Variants in WDR41 observed in about 807,000 individuals in gnomAD.
The protein encoded by WDR41 is WD repeat-containing protein 41.
WDR41 carries 63 observed loss-of-function variants against 69.3 expected under a neutral mutation model. The ratio of observed to expected loss-of-function variants is 0.91; its 90% CI spans 0.74 to 1.12. The LOEUF (loss-of-function observed/expected upper bound fraction) is 1.12. Ranked by LOEUF, WDR41 falls within the 50% of genes most tolerant of loss-of-function variation. WDR41 has a pLI of 0.00. For missense variants in WDR41, 543 were observed against 534.5 expected (o/e 1.02, Z -0.16); for synonymous variants, 185 against 192.1 (o/e 0.96, Z 0.31).
At chr5:77,538,804 T>A (rs1743035875) in intron 1 of WDR41, among the ~76,000 whole-genome samples, 1 of 152,240 alleles carries the variant, frequency 6.6e-6, no homozygotes, top group Non-Finnish European at 1.5e-5. Flanking sequence ...GAAATCAGGA[T>A]AATTATATTG....
chr5:77,619,741 T>C (rs1337539112), intron 1 of WDR41, among the ~76,000 whole-genome samples: 1 of 150,758 alleles, frequency 6.6e-6, no homozygotes, highest in Non-Finnish European at 1.5e-5. Context: ...AAAAGGGGTG[T>C]TTTTTGTTTT....
At chr5:77,466,566 C>T (rs1800317261) in intron 2 of WDR41, among the ~76,000 whole-genome samples, 1 of 151,800 alleles carries the variant, frequency 6.6e-6, no homozygotes, top group South Asian at 2.1e-4. Flanking sequence ...ATTGTTTTAT[C>T]ATGTTTGACT....
chr5:77,507,075 T>G (rs1030603594), intron 1 of WDR41, among the ~76,000 whole-genome samples: 3 of 152,206 alleles, frequency 2.0e-5, no homozygotes, highest in Admixed American at 6.5e-5. Context: ...AGGATAACAT[T>G]GAGTAAATTC....
chr5:77,600,002 T>C (rs1429170828), intron 1 of WDR41, among the ~76,000 whole-genome samples: 1 of 152,188 alleles, frequency 6.6e-6, no homozygotes, highest in Non-Finnish European at 1.5e-5. Context: ...TCTGTAACAT[T>C]CTCTTGCGGA....
Position 77,491,375 on chromosome 5 carries a change from C to T in WDR41, c.51+795G>A, listed in dbSNP as rs189743762. 842 of 160,104 alleles carry T rather than the reference C, an allele frequency of 5.3e-3. 4 individuals are homozygous for T. The highest frequency in any genetic ancestry group is 9.6e-3 in the Admixed American group (151 of 15,758). The allele number at this position is 160,104 out of a possible 1,614,324, so 9.9% of individuals were successfully genotyped here. On this transcript the variant is annotated intron_variant, in intron 1 of 12. Coordinates refer to ENST00000296679, the MANE Select transcript of WDR41 (RefSeq NM_018268.4). ...GACTCTCTTTTCGGACTCAGCCCGC[C>T]TGCACCCAGGTGATTAAAAGCTTTT... is the stretch of plus-strand genomic sequence containing the variant.
chr5:77,444,154 A>G lies in WDR41; in HGVS notation c.698-3157T>C, dbSNP rs141941966. On this transcript the variant is annotated intron_variant, in intron 8 of 12. Coordinates refer to ENST00000296679, the MANE Select transcript of WDR41 (RefSeq NM_018268.4). The stretch of plus-strand genomic sequence containing the variant: ...CTCAAGCTCCCAAAGTGCTGGGATT[A>G]CAGGCGTGAGTCACTGCACCTGGCC... Among the ~76,000 whole-genome samples, 1,211 of 149,260 alleles carry G rather than the reference A, an allele frequency of 8.1e-3. 24 individuals are homozygous for G. The highest frequency in any genetic ancestry group is 0.028 in the African/African-American group (1,163 of 41,460).
intron 1 of WDR41, among the ~76,000 whole-genome samples, chr5:77,570,631 C>T (rs926094158): frequency 6.6e-6 from 1 of 150,968 alleles, no homozygotes; most frequent in Non-Finnish European, 1.5e-5. Context: ...TTCTTAAAAT[C>T]CAAGGATTTA....
intron 3 of WDR41, among the ~76,000 whole-genome samples, chr5:77,463,914 C>G (rs467380): frequency 0.57 from 86,450 of 151,800 alleles, 26,538 homozygotes; most frequent in African/African-American, 0.8. Flanking sequence ...AAATAAAGAT[C>G]TGACACAGTC....
chr5:77,560,269 C>T (rs374581533), intron 1 of WDR41, among the ~76,000 whole-genome samples: 8 of 152,126 alleles, frequency 5.3e-5, no homozygotes, highest in Non-Finnish European at 8.8e-5. Flanking sequence ...CAGATGTTAA[C>T]AAAATCTGAT....
intron 1 of WDR41, among the ~76,000 whole-genome samples, chr5:77,588,300 T>C (rs1420451536): frequency 2.0e-5 from 3 of 152,224 alleles, no homozygotes; most frequent in Admixed American, 1.3e-4. Context: ...CAATATCTCA[T>C]TCTTCTCTTT....
intron 1 of WDR41, among the ~76,000 whole-genome samples, chr5:77,552,255 T>C (rs1280029187): frequency 4.0e-5 from 6 of 151,896 alleles, no homozygotes; most frequent in African/African-American, 7.2e-5. Context: ...ACAGTGAACA[T>C]GCGGAAGCTG....
At chr5:77,448,892 C>CAAACACAA (rs747340389) in intron 8 of WDR41, among the ~76,000 whole-genome samples, 48 of 134,582 alleles carry the variant, frequency 3.6e-4, no homozygotes, top group Non-Finnish European at 6.5e-4. Flanking sequence ...AACAAACAAA[C>CAAACACAA]ACAAACAAAA....
chr5:77,564,053 A>T (rs1320323844), intron 1 of WDR41, among the ~76,000 whole-genome samples: 1 of 152,178 alleles, frequency 6.6e-6, no homozygotes. Context: ...AAATATGCAT[A>T]ATACCTACCT....
intron 2 of WDR41, among the ~76,000 whole-genome samples, chr5:77,470,540 T>G (rs891103310): frequency 4.0e-5 from 6 of 151,740 alleles, no homozygotes; most frequent in Non-Finnish European, 8.8e-5. Flanking sequence ...ACCCATCTCA[T>G]GCACGGAGAC....
At chr5:77,603,234 C>T (rs921710266) in intron 1 of WDR41, among the ~76,000 whole-genome samples, 2 of 152,124 alleles carry the variant, frequency 1.3e-5, no homozygotes, top group Non-Finnish European at 2.9e-5. Flanking sequence ...CTGCGCCCAG[C>T]CCTTGTCTTT....
At chr5:77,436,441 T>A in intron 11 of WDR41, 47 bp from the exon 12 acceptor site, 1 of 1,595,744 alleles carries the variant, frequency 6.3e-7, no homozygotes, top group Non-Finnish European at 8.5e-7. Context: ...GTACTTACAA[T>A]AACATGAGAT....
At chr5:77,435,483 C>CA (rs1413549588) in intron 12 of WDR41, among the ~76,000 whole-genome samples, 1 of 152,226 alleles carries the variant, frequency 6.6e-6, no homozygotes, top group Non-Finnish European at 1.5e-5. Context: ...GTGTTTAGCA[C>CA]AGTGCCTGAA....
chr5:77,500,828 T>C (rs923959647), intron 1 of WDR41, among the ~76,000 whole-genome samples: 23 of 152,250 alleles, frequency 1.5e-4, no homozygotes, highest in Middle Eastern at 3.4e-3. Flanking sequence ...GACATTACAT[T>C]AAAAACCAAA....
In WDR41 at chr5:77,532,381, C is replaced by G. The variant is rs373749290; in HGVS notation, c.43-42809G>C. On this transcript the variant is annotated intron_variant, in intron 1 of 5. Transcript: ENST00000509971. ...GAAATTAATACAACCACTTTGGAAACCTGTTAGTCATTATTCACTGAAGTT... is the reference window on the plus strand; with the variant it reads ...GAAATTAATACAACCACTTTGGAAAGCTGTTAGTCATTATTCACTGAAGTT... 1.6e-4 allele frequency among the ~76,000 whole-genome samples: 25 copies of G among 152,124 alleles called. No individual in the cohort carries two copies. In the South Asian group the frequency reaches 5.0e-3, roughly 30 times the overall value.
Sources: allele counts gnomAD v4.1 joint callset (sites outside exome capture counted in the v4.1 genomes callset), GRCh38; gene constraint gnomAD v4.1.1; transcripts MANE v1.5; gene names NCBI Gene and HGNC (gene_info 2026-07-23, HGNC 2026-07-21).